Variants in PLBD2 observed in about 807,000 individuals in gnomAD.
The protein encoded by PLBD2 is phospholipase B domain containing 2, also known as putative aminopeptidase PLBD2.
In PLBD2, 51 loss-of-function variants were observed where a neutral mutation model predicts 68.3. The observed-to-expected ratio is 0.75, with a 90% CI of 0.60 to 0.94. The LOEUF is 0.94. Ranked by LOEUF, PLBD2 falls within the 40% of genes least tolerant of loss-of-function variation. The pLI is 0.00. For synonymous variants in PLBD2, 314 were observed against 339.3 expected (o/e 0.93, Z 0.82); for missense variants, 729 against 792.2 (o/e 0.92, Z 0.96).
rs1299738077 is a variant in PLBD2 at position 113,374,853 on chromosome 12, C to G, written c.705C>G (p.Ile235Met). ...AGCTGGCCCTGAACAAGACCAAGAT[C>G]AAACCTTCTCTGGGCTCTGGCTCCT... ...DLELALNKTK[I>M]KPSLGSGSCS... The change falls in exon 5 of 12, where the codon ATC (isoleucine) becomes ATG (methionine). Residue 235 changes from isoleucine (I) to methionine (M), a missense_variant. Transcript: ENST00000280800. 2.5e-6 allele frequency: 4 copies of G among 1,613,806 alleles called. No homozygotes were observed. In the East Asian group the frequency reaches 6.7e-5, roughly 27 times the overall value.
chr12:113,374,956 A>G lies in PLBD2; in HGVS notation c.808A>G (p.Met270Val). Residue 270 changes from methionine (M) to valine (V), a missense_variant, in exon 5 of 12, where the codon ATG becomes GTG. Met to Val is a conservative substitution (Grantham distance 21, BLOSUM62 1). Coordinates refer to ENST00000280800, the MANE Select transcript of PLBD2 (RefSeq NM_173542.4). ...CAACACCTGGAACAACTACCAGCAC[A>G]TGCTGCGTGTCATCAAGAAGTACTG... ...AHNTWNNYQH[M>V]LRVIKKYWLQ... 3 of 1,614,120 alleles carry G rather than the reference A, an allele frequency of 1.9e-6. No homozygotes were observed. Among genetic ancestry groups the G allele is most frequent in the African/African-American group, 1.3e-5 (1 of 75,030 alleles).
At position 113,388,715 on chromosome 12, in the gene PLBD2, C is replaced by A; in HGVS notation, c.*89C>A. 7.1e-7 allele frequency: 1 copy of A among 1,405,104 alleles called. No individual in the cohort carries two copies. Among genetic ancestry groups the A allele is most frequent in the Non-Finnish European group, 9.5e-7 (1 of 1,052,648 alleles). The allele number at this position is 1,405,104 out of a possible 1,614,324, so 87.0% of individuals were successfully genotyped here. A position where few individuals can be genotyped will look rare whatever the true frequency, so the allele number is the denominator to read the frequency against. ...AGGCCACCGGACTTCTAACTCCAGC[C>A]CCTCCTGGGGGCTTCGTTCTCTGAT... On this transcript the variant is annotated 3_prime_UTR_variant, in exon 12 of 12. Transcript: ENST00000280800.
At chr12:113,359,656 G>A (rs1235082432) in intron 1 of PLBD2, among the ~76,000 whole-genome samples, 1 of 152,222 alleles carries the variant, frequency 6.6e-6, no homozygotes, top group Non-Finnish European at 1.5e-5. Context: ...CCCAGATTTT[G>A]AGGATGTGCT....
intron 1 of PLBD2, among the ~76,000 whole-genome samples, chr12:113,364,383 G>A (rs34593969): frequency 0.037 from 5,567 of 152,102 alleles, 155 homozygotes; most frequent in Middle Eastern, 0.092. Flanking sequence ...CTTTTATCAC[G>A]AGGGGATCTG....
At chr12:113,371,213 G>T (rs560442719) in intron 2 of PLBD2, among the ~76,000 whole-genome samples, 1 of 152,204 alleles carries the variant, frequency 6.6e-6, no homozygotes, top group African/African-American at 2.4e-5. Flanking sequence ...TTAGGATCCA[G>T]CAGCCCTACT....
Position 113,372,574 on chromosome 12 carries a change from G to A in PLBD2, c.385-75G>A. 6.6e-7 allele frequency: 1 copy of A among 1,517,246 alleles called. No homozygotes were observed. 94.0% of individuals were successfully genotyped at this position (1,517,246 alleles called of 1,614,324 possible). On this transcript the variant is annotated intron_variant, in intron 2 of 11. Transcript: ENST00000280800. The surrounding 1 kb of genome is among the most constrained non-coding windows in gnomAD (Gnocchi z 4.2). ...CACCAGCAGCCTCCGCTCTGGGGCA[G>A]CCTGGGTGGGGGGCTCTCAGGGAAG...
At chr12:113,371,990 G>T (rs190797543) in intron 2 of PLBD2, among the ~76,000 whole-genome samples, 6 of 152,346 alleles carry the variant, frequency 3.9e-5, no homozygotes, top group Admixed American at 3.9e-4. Flanking sequence ...TGCTGTGGAA[G>T]TCATGGAGGC....
chr12:113,380,597 C>T (rs1373109737), intron 5 of PLBD2, 148 bp from the exon 6 acceptor site: 1 of 627,796 alleles, frequency 1.6e-6, no homozygotes, highest in African/African-American at 1.8e-5. Flanking sequence ...TGCCCAATGA[C>T]CTCATTTGCT....
At chr12:113,362,189 A>AG (rs1788028171) in intron 1 of PLBD2, among the ~76,000 whole-genome samples, 1 of 152,138 alleles carries the variant, frequency 6.6e-6, no homozygotes, top group Non-Finnish European at 1.5e-5. Context: ...CTGCAAAAAA[A>AG]AAGTAAAAAA....
intron 6 of PLBD2, among the ~76,000 whole-genome samples, chr12:113,382,397 A>G (rs1000367197): frequency 3.9e-5 from 6 of 152,116 alleles, no homozygotes; most frequent in Non-Finnish European, 8.8e-5. Flanking sequence ...GACTACTAAT[A>G]CCACTGTGGT....
In PLBD2 at chr12:113,358,735, G is replaced by C; in HGVS notation, c.135G>C (p.Pro45=). 3.6e-6 allele frequency: 5 copies of C among 1,388,964 alleles called. No homozygotes were observed. The highest frequency in any genetic ancestry group is 3.7e-6 in the Non-Finnish European group (4 of 1,077,174). 86.0% of individuals were successfully genotyped at this position (1,388,964 alleles called of 1,614,324 possible). A position where few individuals can be genotyped will look rare whatever the true frequency, so the allele number is the denominator to read the frequency against. Residue 45 remains proline, a synonymous_variant, in exon 1 of 12, where the codon CCG becomes CCC. Transcript: ENST00000280800. The stretch of plus-strand genomic sequence containing the variant: ...GCCTGGCGGGGGCGATCCCAGCGCC[G>C]GGGGGCCGCTGGGCGCGCGATGGGC... ...LSGLAGAIPA[P]GGRWARDGQV...
Position 113,388,760 on chromosome 12 carries a change from C to T in PLBD2, c.*134C>T, listed in dbSNP as rs1957578511. 1.0e-6 allele frequency: 1 copy of T among 1,004,876 alleles called. No individual in the cohort carries two copies. The highest frequency in any genetic ancestry group is 1.4e-6 in the Non-Finnish European group (1 of 719,956). 62.2% of individuals were successfully genotyped at this position (1,004,876 alleles called of 1,614,324 possible). The stretch of plus-strand genomic sequence containing the variant: ...TCTGATCTGGGGTCTGAGTCATCTC[C>T]TCCTAGAGTGGGTCACGAACCTGAT... On this transcript the variant is annotated 3_prime_UTR_variant, in exon 12 of 12. Transcript: ENST00000280800.
chr12:113,374,362 C>T (rs567945316), intron 3 of PLBD2, 112 bp from the exon 4 acceptor site: 43 of 692,760 alleles, frequency 6.2e-5, no homozygotes, highest in South Asian at 5.4e-4. Context: ...AGGGTACCCC[C>T]GGGCCTCCTG....
In PLBD2 at chr12:113,390,250, G is replaced by GCATC. The variant is rs1186650781; in HGVS notation, c.*1635_*1638dup. ...TTCATCCATCCACCCATCTGCCAAC[G>GCATC]CATCCATCCATCCACCCACCCAATC... On this transcript the variant is annotated 3_prime_UTR_variant, in exon 12 of 12. Transcript: ENST00000280800. 2.2e-5 allele frequency: 3 copies of GCATC among 135,544 alleles called. No homozygotes were observed. The highest frequency in any genetic ancestry group is 8.5e-5 in the African/African-American group (3 of 35,362). 8.4% of individuals were successfully genotyped at this position (135,544 alleles called of 1,614,324 possible). A position where few individuals can be genotyped will look rare whatever the true frequency, so the allele number is the denominator to read the frequency against.
Position 113,374,905 on chromosome 12 carries a change from G to A in PLBD2, c.757G>A (p.Gly253Ser), listed in dbSNP as rs1481534771. 6.2e-7 allele frequency: 1 copy of A among 1,614,080 alleles called. No individual in the cohort carries two copies. Among genetic ancestry groups the A allele is most frequent in the Non-Finnish European group, 8.5e-7 (1 of 1,180,026 alleles). ...SCSALIKLLP[G>S]QSDLLVAHNT... ...TTCTGCCCTCATCAAGCTGCTCCCTGGCCAGAGTGACCTCCTGGTTGCCCA... is the reference window on the plus strand; with the variant it reads ...TTCTGCCCTCATCAAGCTGCTCCCTAGCCAGAGTGACCTCCTGGTTGCCCA... The change falls in exon 5 of 12, where the codon GGC (glycine) becomes AGC (serine). Residue 253 changes from glycine (G) to serine (S), a missense_variant. Physicochemically the swap from Gly to Ser is moderately conservative, Grantham distance 56 (BLOSUM62 0). Transcript: ENST00000280800.
chr12:113,363,910 G>A (rs1034329433), intron 1 of PLBD2, among the ~76,000 whole-genome samples: 2 of 152,148 alleles, frequency 1.3e-5, no homozygotes, highest in Non-Finnish European at 2.9e-5. Context: ...AAATGTAGAG[G>A]CATATGTGGT....
intron 1 of PLBD2, among the ~76,000 whole-genome samples, chr12:113,365,325 ATT>A (rs760494446): frequency 7.6e-5 from 11 of 144,900 alleles, no homozygotes; most frequent in Admixed American, 7.0e-5. Context: ...TGTTGGAAGA[ATT>A]TTTTTTTTTT....
intron 4 of PLBD2, 28 bp downstream of exon 4, chr12:113,374,602 G>T (rs1957421725): frequency 6.4e-7 from 1 of 1,553,650 alleles, no homozygotes; most frequent in Non-Finnish European, 8.8e-7. Context: ...AGTGAACAGG[G>T]TGGGAAGAAG....
intron 5 of PLBD2, among the ~76,000 whole-genome samples, chr12:113,378,826 C>T (rs139446507): frequency 3.6e-4 from 55 of 152,220 alleles, no homozygotes; most frequent in African/African-American, 1.1e-3. Flanking sequence ...GCTGGGACTA[C>T]GGGCATGCAC....
Sources: allele counts gnomAD v4.1 joint callset (sites outside exome capture counted in the v4.1 genomes callset), GRCh38; gene constraint gnomAD v4.1.1; non-coding constraint Gnocchi (gnomAD v3.1); transcripts MANE v1.5; gene names NCBI Gene and HGNC (gene_info 2026-07-23, HGNC 2026-07-21).